Variants in DEPDC7 observed in about 807,000 individuals in gnomAD.
The protein encoded by DEPDC7 is DEP domain-containing protein 7.
DEPDC7 carries 41 observed loss-of-function variants against 56.6 expected under a neutral mutation model. The ratio of observed to expected loss-of-function variants is 0.72; its 90% CI spans 0.56 to 0.94. The LOEUF is 0.94. Among genes scored for constraint, DEPDC7 ranks in the 40% least tolerant of loss-of-function variants. The probability of loss-of-function intolerance (pLI) is 0.00; values close to 1 mark genes in which losing one functional copy is unlikely to be tolerated. For synonymous variants in DEPDC7, 185 were observed against 208.8 expected, an observed-to-expected ratio of 0.89 and a Z score of 0.98; for missense variants, 522 against 596.3, an observed-to-expected ratio of 0.88 and a Z score of 1.30.
At position 33,023,557 on chromosome 11, in the gene DEPDC7, G is replaced by A. The variant is rs184798544; in HGVS notation, c.74-2102G>A. On this transcript the variant is annotated intron_variant, in intron 1 of 8. Coordinates refer to ENST00000241051, the MANE Select transcript of DEPDC7 (RefSeq NM_001077242.2). Reference sequence around the variant, plus strand: ...TTGTTTATTTATTTATTTATTAGACGGAGTCTTGCTTTGTCGTCCAGGCTG... The same window carrying A: ...TTGTTTATTTATTTATTTATTAGACAGAGTCTTGCTTTGTCGTCCAGGCTG... Among the ~76,000 whole-genome samples the A allele has an allele frequency of 2.9e-3, 437 of 151,934 alleles. 1 individual carries two copies. Among genetic ancestry groups the A allele is most frequent in the Non-Finnish European group, 4.1e-3 (277 of 67,926 alleles).
intron 5 of DEPDC7, among the ~76,000 whole-genome samples, chr11:33,031,966 A>C (rs1361266327): frequency 6.8e-6 from 1 of 147,862 alleles, no homozygotes. Context: ...GTTGGAAACA[A>C]ATTGGAGGTT....
chr11:33,016,629 G>A, intron 1 of DEPDC7: 1 of 1,598,424 alleles, frequency 6.3e-7, no homozygotes, highest in Non-Finnish European at 8.6e-7. Context: ...TTAGTGAATA[G>A]AAGTTTTTGG....
Position 33,015,897 on chromosome 11 carries a change from T to C in DEPDC7, c.-59T>C. On this transcript the variant is annotated 5_prime_UTR_variant, in exon 1 of 9. Coordinates refer to ENST00000241051, the MANE Select transcript of DEPDC7 (RefSeq NM_001077242.2). ...CCCCGCACAGTTAACAGACGGGCGC[T>C]CAGGGAGCTAGGGAGCTGTGAAGCT... 3 of 1,504,790 alleles carry C rather than the reference T, an allele frequency of 2.0e-6. No homozygotes were observed. The highest frequency in any genetic ancestry group is 2.6e-5 in the East Asian group (1 of 37,910). 93.2% of individuals were successfully genotyped at this position (1,504,790 alleles called of 1,614,324 possible). A position where few individuals can be genotyped will look rare whatever the true frequency, so the allele number is the denominator to read the frequency against.
chr11:33,033,509 A>G lies in DEPDC7; in HGVS notation c.*54A>G, dbSNP rs1853656221. 1 of 1,235,052 alleles carries G rather than the reference A, an allele frequency of 8.1e-7. No individual in the cohort carries two copies. The highest frequency in any genetic ancestry group is 1.1e-6 in the Non-Finnish European group (1 of 903,138). 76.5% of individuals were successfully genotyped at this position (1,235,052 alleles called of 1,614,324 possible). A position where few individuals can be genotyped will look rare whatever the true frequency, so the allele number is the denominator to read the frequency against. On this transcript the variant is annotated 3_prime_UTR_variant, in exon 9 of 9. Transcript: ENST00000241051. ...ATTTTAAGAATAAATTATGTATCCT[A>G]AATATCCAATCACATTTGTAAGCGT...
In DEPDC7 at chr11:33,031,546, A is replaced by G. The variant is rs545422867; in HGVS notation, c.951A>G (p.Leu317=). 6.2e-7 allele frequency: 1 copy of G among 1,614,116 alleles called. No homozygotes were observed. The highest frequency in any genetic ancestry group is 1.3e-5 in the African/African-American group (1 of 75,076). Residue 317 remains leucine (L), a synonymous_variant, in exon 5 of 9, where the codon TTA becomes TTG. Transcript: ENST00000241051. ...ATTACAGTAGTAGGGAACCTCTGTT[A>G]AATCACTTATCTGACGTTCATAATG... ...GRYYSSREPL[L]NHLSDVHNGI... is the part of the protein sequence containing the mutation.
Position 33,016,440 on chromosome 11 carries a change from A to G in DEPDC7, c.73+412A>G. 4 of 1,569,474 alleles carry G rather than the reference A, an allele frequency of 2.5e-6. No homozygotes were observed. In the South Asian group the frequency reaches 4.8e-5, roughly 19 times the overall value. On this transcript the variant is annotated intron_variant, in intron 1 of 8. Transcript: ENST00000241051. ...TGTCTCAACCACAAACCTTGACGACACAGTATGGCCAGGGGCCGAGCTCCT... is the reference window on the plus strand; with the variant it reads ...TGTCTCAACCACAAACCTTGACGACGCAGTATGGCCAGGGGCCGAGCTCCT...
intron 1 of DEPDC7, among the ~76,000 whole-genome samples, chr11:33,023,297 AC>A: frequency 1.3e-5 from 2 of 152,246 alleles, no homozygotes; most frequent in South Asian, 4.1e-4. Context: ...GTGGTAAATT[AC>A]CCATCTACTT....
intron 1 of DEPDC7, among the ~76,000 whole-genome samples, chr11:33,022,049 C>G (rs1853529613): frequency 6.6e-6 from 1 of 152,180 alleles, no homozygotes; most frequent in Non-Finnish European, 1.5e-5. Flanking sequence ...CTACTTATAG[C>G]TCAAGTGTTA....
At chr11:33,017,711 T>C (rs1853478692) in intron 1 of DEPDC7, among the ~76,000 whole-genome samples, 1 of 152,202 alleles carries the variant, frequency 6.6e-6, no homozygotes, top group Admixed American at 6.5e-5. Flanking sequence ...TCTCTTTCTG[T>C]GTGCTCTGGC....
chr11:33,023,075 A>C (rs1296986037), intron 1 of DEPDC7, among the ~76,000 whole-genome samples: 2 of 151,970 alleles, frequency 1.3e-5, no homozygotes, highest in Non-Finnish European at 2.9e-5. Context: ...AAAAAATACA[A>C]AAAATTAGCC....
intron 1 of DEPDC7, among the ~76,000 whole-genome samples, chr11:33,023,605 C>T (rs1377413293): frequency 1.3e-5 from 2 of 152,150 alleles, no homozygotes; most frequent in African/African-American, 2.4e-5. Context: ...ACTATCTTGG[C>T]TTACTGCAAC....
intron 5 of DEPDC7, among the ~76,000 whole-genome samples, chr11:33,031,841 A>G (rs1193577356): frequency 2.0e-5 from 3 of 152,224 alleles, no homozygotes; most frequent in African/African-American, 2.4e-5. Flanking sequence ...CTTAAGCATA[A>G]AGCAGCAATT....
intron 3 of DEPDC7, chr11:33,028,065 G>T (rs1853596188): frequency 3.1e-6 from 1 of 319,084 alleles, no homozygotes; most frequent in South Asian, 1.1e-4. Context: ...TGTTTTGCAT[G>T]CAGATTTGTA....
rs748304676 is a variant in DEPDC7 at position 33,031,494 on chromosome 11, A to G, written c.899A>G (p.Glu300Gly). 1.2e-4 allele frequency: 190 copies of G among 1,614,168 alleles called. 1 individual carries two copies. In the Middle Eastern group the frequency reaches 3.1e-3, roughly 27 times the overall value. ...EQPDRTDLVK[E>G]LLFDAIGRYY... ...CCAGACCGAACAGACTTAGTGAAAGAACTTCTGTTTGATGCCATTGGCAGA... is the reference window on the plus strand; with the variant it reads ...CCAGACCGAACAGACTTAGTGAAAGGACTTCTGTTTGATGCCATTGGCAGA... Residue 300 changes from glutamate (E) to glycine (G), a missense_variant, in exon 5 of 9, where the codon GAA becomes GGA. By Grantham distance (98) the Glu-to-Gly change is moderately conservative. Transcript: ENST00000241051.
Position 33,028,761 on chromosome 11 carries a change from C to T in DEPDC7, c.751C>T (p.Arg251Ter), listed in dbSNP as rs373000064. ...GGTCAACAGCAGTAACTATCTGGATCGAGGGATTCTCAAGGCTTATAGTGA... is the reference window on the plus strand; with the variant it reads ...GGTCAACAGCAGTAACTATCTGGATTGAGGGATTCTCAAGGCTTATAGTGA... Reference protein sequence around the residue: ...TMVNSSNYLDRGILKAYSDSQ... With the variant: ...TMVNSSNYLD Residue 251 changes from arginine to a stop codon, truncating the protein, a stop_gained, in exon 4 of 9, where the codon CGA (arginine) becomes TGA (stop). Transcript: ENST00000241051. LOFTEE classifies it high-confidence loss of function. 1.3e-5 allele frequency: 21 copies of T among 1,611,656 alleles called. No homozygotes were observed. Among genetic ancestry groups the T allele is most frequent in the Non-Finnish European group, 1.6e-5 (19 of 1,179,440 alleles).
rs1853576415 is a variant in DEPDC7 at position 33,026,153 on chromosome 11, G to A, written c.464+104G>A. 5 of 1,319,744 alleles carry A rather than the reference G, an allele frequency of 3.8e-6. No individual in the cohort carries two copies. The South Asian group carries it at 4.9e-5, about 13-fold the overall frequency. 81.8% of individuals were successfully genotyped at this position (1,319,744 alleles called of 1,614,324 possible). A position where few individuals can be genotyped will look rare whatever the true frequency, so the allele number is the denominator to read the frequency against. ...ATATTACATTTTTAGCAGTAAATGT[G>A]GCTAAAATATGGGTCTGTGGGTAAA... On this transcript the variant is annotated intron_variant, in intron 2 of 8. Coordinates refer to ENST00000241051, the MANE Select transcript of DEPDC7 (RefSeq NM_001077242.2).
chr11:33,033,031 G>A, intron 8 of DEPDC7, 64 bp downstream of exon 8: 1 of 1,331,436 alleles, frequency 7.5e-7, no homozygotes, highest in Non-Finnish European at 1.0e-6. Context: ...TTTTGAAAAT[G>A]TTTTGCTATA....
In DEPDC7 at chr11:33,015,895, G is replaced by A. The variant is rs1026221009; in HGVS notation, c.-61G>A. ...CGCCCCGCACAGTTAACAGACGGGC[G>A]CTCAGGGAGCTAGGGAGCTGTGAAG... On this transcript the variant is annotated 5_prime_UTR_variant, in exon 1 of 9. Coordinates refer to ENST00000241051, the MANE Select transcript of DEPDC7 (RefSeq NM_001077242.2). 8.7e-6 allele frequency: 13 copies of A among 1,497,444 alleles called. No individual in the cohort carries two copies. The highest frequency in any genetic ancestry group is 2.5e-5 in the South Asian group (2 of 80,508). The allele number at this position is 1,497,444 out of a possible 1,614,324, so 92.8% of individuals were successfully genotyped here.
chr11:33,022,966 A>G (rs930156289), intron 1 of DEPDC7, among the ~76,000 whole-genome samples: 6 of 152,150 alleles, frequency 3.9e-5, no homozygotes, highest in Non-Finnish European at 7.3e-5. Flanking sequence ...GACAATTAAA[A>G]ACAATCTTGC....
Sources: gnomAD v4.1 joint callset for allele counts (sites outside exome capture counted in the v4.1 genomes callset) on GRCh38, gnomAD v4.1.1 for gene constraint, MANE v1.5 for transcripts, NCBI Gene and HGNC (gene_info 2026-07-23, HGNC 2026-07-21) for gene names.